Variants in CADM2 observed in about 807,000 individuals in gnomAD.
The protein encoded by CADM2 is immunoglobulin superfamily member 4D.
CADM2 carries 12 observed loss-of-function variants against 49.8 expected under a neutral mutation model. The observed-to-expected ratio is 0.24, with a 90% confidence interval of 0.15 to 0.39. The LOEUF (loss-of-function observed/expected upper bound fraction) is 0.39, where lower values mean the gene tolerates loss of function less well. CADM2 is among the 10% of genes least tolerant of loss of function. The pLI, the probability that CADM2 is intolerant of heterozygous loss-of-function variation, is 1.00. For missense variants in CADM2, 378 were observed against 492.3 expected (o/e 0.77, Z 2.20); for synonymous variants, 214 against 175.4 (o/e 1.22, Z -1.74).
chr3:85,345,595 T>A (rs911525804), intron 1 of CADM2, among the ~76,000 whole-genome samples: 10 of 152,000 alleles, frequency 6.6e-5, no homozygotes, highest in African/African-American at 1.9e-4. Context: ...AAATTACGAG[T>A]CCTGAAGAAT....
chr3:85,487,597 GGAA>G (rs2039476708), intron 1 of CADM2, among the ~76,000 whole-genome samples: 1 of 150,638 alleles, frequency 6.6e-6, no homozygotes, highest in South Asian at 2.1e-4. Context: ...AGGAGAAGGA[GGAA>G]GTGGAGGAGG....
At chr3:85,448,124 G>A (rs2037557150) in intron 1 of CADM2, among the ~76,000 whole-genome samples, 2 of 152,032 alleles carry the variant, frequency 1.3e-5, no homozygotes, top group Admixed American at 1.3e-4. Context: ...GAGGTCAGCA[G>A]ATCAAAACCA....
intron 8 of CADM2, among the ~76,000 whole-genome samples, chr3:86,032,836 T>C (rs1272154624): frequency 6.6e-6 from 1 of 151,874 alleles, no homozygotes; most frequent in Non-Finnish European, 1.5e-5. Flanking sequence ...AAATAGATAA[T>C]TTTTTTCAAA....
At chr3:85,733,514 A>T (rs2068017916) in intron 2 of CADM2, among the ~76,000 whole-genome samples, 2 of 152,128 alleles carry the variant, frequency 1.3e-5, no homozygotes, top group Non-Finnish European at 2.9e-5. Context: ...GTCACAATGG[A>T]GAGAGAGTGT....
At position 85,036,384 on chromosome 3, in the gene CADM2, G is replaced by GA. The variant is rs779352627; in HGVS notation, c.61+76723dup. On this transcript the variant is annotated intron_variant, in intron 1 of 9. Coordinates refer to ENST00000383699, the MANE Select transcript of CADM2 (RefSeq NM_001167675.2). ...AAGCAGTTGATTCAGGAGTAAAGAG[G>GA]AAAAAAATAACTTAACGACTTAAAA... Among the ~76,000 whole-genome samples, 10 of 151,830 alleles carry GA rather than the reference G, an allele frequency of 6.6e-5. No individual in the cohort carries two copies. In the East Asian group the frequency reaches 7.7e-4, roughly 12 times the overall value.
chr3:84,994,733 A>T (rs1043002019), intron 1 of CADM2, among the ~76,000 whole-genome samples: 3 of 152,202 alleles, frequency 2.0e-5, no homozygotes, highest in Non-Finnish European at 2.9e-5. Context: ...CAATTTTAGA[A>T]TATACAAGTG....
At chr3:85,645,290 A>T (rs2107564613) in intron 1 of CADM2, among the ~76,000 whole-genome samples, 1 of 152,194 alleles carries the variant, frequency 6.6e-6, no homozygotes, top group African/African-American at 2.4e-5. Flanking sequence ...AATATGACAA[A>T]ATTGTTGCAG....
At chr3:85,587,753 AT>A (rs925197121) in intron 1 of CADM2, among the ~76,000 whole-genome samples, 1 of 150,806 alleles carries the variant, frequency 6.6e-6, no homozygotes, top group African/African-American at 2.4e-5. Context: ...GTTCAATGAC[AT>A]TTTTTTTTGA....
intron 1 of CADM2, among the ~76,000 whole-genome samples, chr3:85,322,705 A>G (rs76577525): frequency 0.03 from 4,546 of 152,262 alleles, 263 homozygotes; most frequent in East Asian, 0.15. Flanking sequence ...TTCTTTATAA[A>G]GAAGTCTCTG....
At chr3:85,858,142 A>C (rs1377793346) in intron 3 of CADM2, among the ~76,000 whole-genome samples, 1 of 152,220 alleles carries the variant, frequency 6.6e-6, no homozygotes, top group Non-Finnish European at 1.5e-5. Context: ...GCCTTTAGCT[A>C]TGGGACGGTC....
intron 6 of CADM2, among the ~76,000 whole-genome samples, chr3:85,918,080 A>G (rs1176371811): frequency 6.6e-6 from 1 of 152,200 alleles, no homozygotes; most frequent in Non-Finnish European, 1.5e-5. Context: ...TTCTAGATAT[A>G]CAATCATGTC....
At chr3:85,821,829 G>A (rs752498737) in intron 3 of CADM2, among the ~76,000 whole-genome samples, 1 of 151,792 alleles carries the variant, frequency 6.6e-6, no homozygotes, top group South Asian at 2.1e-4. Flanking sequence ...AAATAATAAG[G>A]CATTCAAAAT....
intron 1 of CADM2, among the ~76,000 whole-genome samples, chr3:85,046,101 C>T (rs1189518198): frequency 1.3e-5 from 2 of 152,004 alleles, no homozygotes; most frequent in African/African-American, 2.4e-5. Context: ...GTACAAATCC[C>T]ATTCCTGAGA....
chr3:86,045,897 C>G (rs1736616780), intron 8 of CADM2, among the ~76,000 whole-genome samples: 1 of 152,128 alleles, frequency 6.6e-6, no homozygotes, highest in Non-Finnish European at 1.5e-5. Flanking sequence ...GGACAGCAGA[C>G]TCTTTTTTGT....
intron 1 of CADM2, among the ~76,000 whole-genome samples, chr3:85,476,244 T>A (rs1005208696): frequency 2.0e-5 from 3 of 151,936 alleles, no homozygotes; most frequent in Admixed American, 6.6e-5. Flanking sequence ...AAAGAGATCT[T>A]CTTCATACAT....
chr3:85,567,133 A>C (rs1051136313), intron 1 of CADM2, among the ~76,000 whole-genome samples: 1 of 152,172 alleles, frequency 6.6e-6, no homozygotes, highest in Non-Finnish European at 1.5e-5. Context: ...TTCACAGGCC[A>C]GTGTTGACAA....
intron 8 of CADM2, among the ~76,000 whole-genome samples, chr3:86,036,791 G>C (rs1026659753): frequency 2.0e-5 from 3 of 152,246 alleles, no homozygotes; most frequent in African/African-American, 7.2e-5. Context: ...TGATATATGT[G>C]AACTGGTACC....
At chr3:85,783,831 C>G (rs1233703457) in intron 2 of CADM2, among the ~76,000 whole-genome samples, 2 of 152,134 alleles carry the variant, frequency 1.3e-5, no homozygotes, top group Non-Finnish European at 2.9e-5. Flanking sequence ...ATTTGACCCT[C>G]AAACTTGAGA....
chr3:85,304,044 T>A (rs903733930), intron 1 of CADM2, among the ~76,000 whole-genome samples: 1 of 151,896 alleles, frequency 6.6e-6, no homozygotes, highest in Non-Finnish European at 1.5e-5. Context: ...TGTATTTCAC[T>A]TTTAAAGACA....
Sources: gnomAD v4.1 joint callset for allele counts (sites outside exome capture counted in the v4.1 genomes callset) on GRCh38, gnomAD v4.1.1 for gene constraint, MANE v1.5 for transcripts, NCBI Gene and HGNC (gene_info 2026-07-23, HGNC 2026-07-21) for gene names.